Variants in KIAA0825 observed in about 807,000 individuals in gnomAD.
KIAA0825 encodes the protein uncharacterized protein KIAA0825.
Under a neutral mutation model 147.6 loss-of-function variants are expected in KIAA0825, and 119 were observed. The ratio of observed to expected loss-of-function variants is 0.81; its 90% CI spans 0.69 to 0.94. The LOEUF (loss-of-function observed/expected upper bound fraction) is 0.94, where lower values mean the gene tolerates loss of function less well. Ranked by LOEUF, KIAA0825 falls within the 40% of genes least tolerant of loss-of-function variation. The probability of loss-of-function intolerance (pLI) is 0.00; values close to 1 mark genes in which losing one functional copy is unlikely to be tolerated. For synonymous variants in KIAA0825, 470 were observed against 518.1 expected (o/e 0.91, Z 1.26); for missense variants, 1,381 against 1,472.7 (o/e 0.94, Z 1.02).
chr5:94,345,215 G>T (rs1160618004), intron 20 of KIAA0825, among the ~76,000 whole-genome samples: 2 of 152,084 alleles, frequency 1.3e-5, no homozygotes, highest in Non-Finnish European at 2.9e-5. Context: ...CTATTCCTGG[G>T]CATAGGTTAT....
At chr5:94,361,776 CT>C (rs962322949) in intron 20 of KIAA0825, among the ~76,000 whole-genome samples, 8 of 152,190 alleles carry the variant, frequency 5.3e-5, no homozygotes, top group African/African-American at 1.9e-4. Flanking sequence ...CTCAGAAACC[CT>C]TGGGGTCTAT....
intron 20 of KIAA0825, among the ~76,000 whole-genome samples, chr5:94,277,727 C>T (rs1433568133): frequency 6.6e-6 from 1 of 152,070 alleles, no homozygotes; most frequent in Non-Finnish European, 1.5e-5. Context: ...GGATCTAGAA[C>T]CAGAAATACC....
intron 1 of KIAA0825, among the ~76,000 whole-genome samples, chr5:94,610,184 C>T (rs969185499): frequency 4.6e-5 from 7 of 151,846 alleles, no homozygotes; most frequent in Non-Finnish European, 8.8e-5. Context: ...CTTTGGGAGG[C>T]CAAGGCGAGT....
intron 17 of KIAA0825, 134 bp downstream of exon 17, chr5:94,395,967 T>A: frequency 1.3e-6 from 1 of 766,872 alleles, no homozygotes; most frequent in Non-Finnish European, 1.9e-6. Flanking sequence ...TATCTTTTTT[T>A]ATATTCATCA....
In KIAA0825 at chr5:94,471,627, A is replaced by G; in HGVS notation, c.1560T>C (p.Cys520=). Residue 520 remains cysteine (C), a synonymous_variant, in exon 9 of 21, where the codon TGT becomes TGC. Transcript: ENST00000682413. ...GCAGGACAGCTGTTGCCACTTTACA[A>G]CAGGCCTCCACCAAGTTTGCTCTAA... ...QEIRANLVEA[C]CKVATAVLQR... The G allele has an allele frequency of 6.4e-7, 1 of 1,551,956 alleles. No individual in the cohort carries two copies. Among genetic ancestry groups the G allele is most frequent in the Non-Finnish European group, 8.7e-7 (1 of 1,147,054 alleles).
intron 2 of KIAA0825, among the ~76,000 whole-genome samples, chr5:94,575,217 G>A (rs746417988): frequency 6.6e-6 from 1 of 152,084 alleles, no homozygotes; most frequent in South Asian, 2.1e-4. Context: ...GGCAGCACAC[G>A]ACTAGTGTTT....
At chr5:94,454,964 AAATT>A (rs1177192451) in intron 12 of KIAA0825, among the ~76,000 whole-genome samples, 1 of 151,974 alleles carries the variant, frequency 6.6e-6, no homozygotes, top group Non-Finnish European at 1.5e-5. Flanking sequence ...TAGAAGGAGA[AAATT>A]AAGGGAAACG....
chr5:94,221,619 C>T (rs1156687428), intron 20 of KIAA0825, among the ~76,000 whole-genome samples: 1 of 152,112 alleles, frequency 6.6e-6, no homozygotes, highest in Non-Finnish European at 1.5e-5. Context: ...AGTCTCTGCT[C>T]ATTCTCCAGC....
intron 20 of KIAA0825, among the ~76,000 whole-genome samples, chr5:94,283,026 C>T (rs897524136): frequency 6.6e-6 from 1 of 151,858 alleles, no homozygotes; most frequent in African/African-American, 2.4e-5. Context: ...CAGAAGAATG[C>T]AATAATTACC....
Position 94,471,701 on chromosome 5 carries a change from T to A in KIAA0825, c.1486A>T (p.Thr496Ser), listed in dbSNP as rs1378506707. The stretch of plus-strand genomic sequence containing the variant: ...CATGCCAGAGCCAGTGGAAGCATTG[T>A]GTCAAGTTTTTCCATGATGTCAGAA... Reference protein sequence around the residue: ...FCSDIMEKLDTMLPLALACRD... With the variant: ...FCSDIMEKLDSMLPLALACRD... The change falls in exon 9 of 21, where the codon ACA becomes TCA. Residue 496 changes from threonine (T) to serine (S), a missense_variant. By Grantham distance (58) the Thr-to-Ser change is moderately conservative. Transcript: ENST00000682413. 1.3e-6 allele frequency: 2 copies of A among 1,552,238 alleles called. No homozygotes were observed. The highest frequency in any genetic ancestry group is 1.7e-6 in the Non-Finnish European group (2 of 1,147,138).
intron 20 of KIAA0825, among the ~76,000 whole-genome samples, chr5:94,191,796 T>C (rs548368358): frequency 3.2e-4 from 48 of 152,252 alleles, no homozygotes; most frequent in Non-Finnish European, 5.3e-4. Context: ...AGCAAACCTA[T>C]TCATCTGAAA....
chr5:94,548,918 C>T (rs1774981841), intron 2 of KIAA0825, among the ~76,000 whole-genome samples: 1 of 152,034 alleles, frequency 6.6e-6, no homozygotes, highest in Admixed American at 6.5e-5. Context: ...CTGGAGCATC[C>T]AGATATTATA....
chr5:94,241,105 C>T (rs1177718287), intron 20 of KIAA0825, among the ~76,000 whole-genome samples: 1 of 152,144 alleles, frequency 6.6e-6, no homozygotes, highest in Non-Finnish European at 1.5e-5. Context: ...CAAAGTCCAT[C>T]CCTGTTTTCT....
chr5:94,514,012 AG>A (rs1340074593), intron 5 of KIAA0825, among the ~76,000 whole-genome samples: 1 of 152,190 alleles, frequency 6.6e-6, no homozygotes, highest in African/African-American at 2.4e-5. Flanking sequence ...CCACAAAACA[AG>A]AACTGGAATT....
chr5:94,351,115 G>A (rs1452415814), intron 20 of KIAA0825, among the ~76,000 whole-genome samples: 1 of 152,106 alleles, frequency 6.6e-6, no homozygotes, highest in Admixed American at 6.5e-5. Flanking sequence ...AATTGGTTAA[G>A]AGGAGGTCAA....
intron 18 of KIAA0825, among the ~76,000 whole-genome samples, chr5:94,390,972 T>C (rs902929367): frequency 6.6e-6 from 1 of 152,224 alleles, no homozygotes; most frequent in Non-Finnish European, 1.5e-5. Context: ...ATTTACATTT[T>C]CAATAAAACA....
chr5:94,430,562 C>T (rs1755533339), intron 14 of KIAA0825, among the ~76,000 whole-genome samples: 2 of 152,100 alleles, frequency 1.3e-5, no homozygotes, highest in Non-Finnish European at 2.9e-5. Context: ...GCAAAATGGT[C>T]CTAATAATCC....
At chr5:94,440,925 CA>C (rs1757000678) in intron 13 of KIAA0825, among the ~76,000 whole-genome samples, 2 of 151,758 alleles carry the variant, frequency 1.3e-5, no homozygotes, top group Admixed American at 6.6e-5. Flanking sequence ...AGGAGAACAA[CA>C]ACAAAAAAGG....
intron 5 of KIAA0825, among the ~76,000 whole-genome samples, chr5:94,516,681 C>T (rs1483783293): frequency 7.4e-5 from 9 of 121,024 alleles, no homozygotes; most frequent in Admixed American, 5.2e-4. Flanking sequence ...GTCCCAGCTA[C>T]TCGGGAGGCT....
Sources: gnomAD v4.1 joint callset for allele counts (sites outside exome capture counted in the v4.1 genomes callset) on GRCh38, gnomAD v4.1.1 for gene constraint, MANE v1.5 for transcripts, NCBI Gene and HGNC (gene_info 2026-07-23, HGNC 2026-07-21) for gene names.